NPAS3: variants seen among roughly 807,000 people sequenced by gnomAD.
The protein encoded by NPAS3 is neuronal PAS domain protein 3.
A neutral mutation model predicts 73.1 loss-of-function variants in NPAS3; 14 were observed. The ratio of observed to expected loss-of-function variants is 0.19; its 90% CI spans 0.13 to 0.30. The LOEUF (loss-of-function observed/expected upper bound fraction) is 0.30. NPAS3 is among the 10% of genes least tolerant of loss of function. The pLI is 1.00. For synonymous variants in NPAS3, 620 were observed against 541.5 expected (o/e 1.14, Z -2.01); for missense variants, 1,096 against 1,250.0 (o/e 0.88, Z 1.86).
chr14:33,300,608 C>T (rs1012452341), intron 3 of NPAS3, among the ~76,000 whole-genome samples: 5 of 152,132 alleles, frequency 3.3e-5, no homozygotes, highest in Admixed American at 1.3e-4. Flanking sequence ...GAGGAGTGGG[C>T]AGAGCTGGAG....
Position 33,301,324 on chromosome 14 carries a change from T to TATATATATATATATATATA in NPAS3, c.386-65862_386-65861insATATATATATATATATATA, listed in dbSNP as rs56204986. On this transcript the variant is annotated intron_variant, in intron 3 of 11. Transcript: ENST00000356141. ...TTTATCATTATATATATATATATAT[T>TATATATATATATATATATA]TTTTTTTTTTAAATCTAGCTGTAAT... is the stretch of plus-strand genomic sequence containing the variant. Among the ~76,000 whole-genome samples the TATATATATATATATATATA allele has an allele frequency of 8.7e-3, 654 of 75,416 alleles. 83 individuals are homozygous for TATATATATATATATATATA. The highest frequency in any genetic ancestry group is 0.025 in the African/African-American group (443 of 17,618). The allele number at this position is 75,416 out of a possible 152,430, so 49.5% of individuals were successfully genotyped here. A position where few individuals can be genotyped will look rare whatever the true frequency, so the allele number is the denominator to read the frequency against.
intron 1 of NPAS3, among the ~76,000 whole-genome samples, chr14:33,019,499 A>T (rs1255915748): frequency 6.6e-6 from 1 of 151,878 alleles, no homozygotes; most frequent in African/African-American, 2.4e-5. Context: ...AAAACCGGGG[A>T]TGGTTTCCTT....
chr14:33,721,953 G>A (rs942371153), intron 6 of NPAS3, among the ~76,000 whole-genome samples: 1 of 152,134 alleles, frequency 6.6e-6, no homozygotes, highest in Non-Finnish European at 1.5e-5. Flanking sequence ...TCTCACGTCA[G>A]GTCGAATAAT....
intron 2 of NPAS3, among the ~76,000 whole-genome samples, chr14:33,077,451 T>C (rs2041697649): frequency 6.6e-6 from 1 of 152,232 alleles, no homozygotes; most frequent in African/African-American, 2.4e-5. Context: ...TATTTTATAT[T>C]CTACTTTGTT....
chr14:33,671,153 C>G (rs2059599906), intron 5 of NPAS3, among the ~76,000 whole-genome samples: 1 of 152,146 alleles, frequency 6.6e-6, no homozygotes, highest in Non-Finnish European at 1.5e-5. Flanking sequence ...TACTCCTCAT[C>G]TGCACCAAAC....
chr14:33,305,162 G>C (rs2042707427), intron 3 of NPAS3, among the ~76,000 whole-genome samples: 1 of 151,988 alleles, frequency 6.6e-6, no homozygotes, highest in Non-Finnish European at 1.5e-5. Context: ...ATGAAGTAGA[G>C]AGAGAGAGAG....
At chr14:33,269,422 C>T (rs898493753) in intron 3 of NPAS3, among the ~76,000 whole-genome samples, 1 of 152,134 alleles carries the variant, frequency 6.6e-6, no homozygotes, top group African/African-American at 2.4e-5. Context: ...GAACTCAGGT[C>T]AGAATAGGTC....
At chr14:33,684,227 G>GTT (rs5807739) in intron 6 of NPAS3, among the ~76,000 whole-genome samples, 39,117 of 148,294 alleles carry the variant, frequency 0.26, 5,570 homozygotes, top group South Asian at 0.53. Context: ...TGTGCTGTGG[G>GTT]TTTTTTTTTT....
chr14:33,601,751 T>C (rs1439590175), intron 5 of NPAS3, among the ~76,000 whole-genome samples: 1 of 152,318 alleles, frequency 6.6e-6, no homozygotes, highest in African/African-American at 2.4e-5. Context: ...ATTTAAAAAA[T>C]ATTCATATTT....
chr14:33,121,875 A>G (rs1249301142), intron 2 of NPAS3, among the ~76,000 whole-genome samples: 1 of 152,148 alleles, frequency 6.6e-6, no homozygotes, highest in Non-Finnish European at 1.5e-5. Flanking sequence ...TCACGTGGAA[A>G]TTGTATCTCA....
At chr14:33,269,004 C>T (rs570613364) in intron 3 of NPAS3, among the ~76,000 whole-genome samples, 3 of 152,036 alleles carry the variant, frequency 2.0e-5, no homozygotes, top group Admixed American at 6.6e-5. Flanking sequence ...GAAGTATGGC[C>T]GGTAAAGCTG....
chr14:33,111,195 G>A (rs1209723919), intron 2 of NPAS3, among the ~76,000 whole-genome samples: 5 of 152,160 alleles, frequency 3.3e-5, no homozygotes, highest in Admixed American at 2.6e-4. Flanking sequence ...AAGCCTGAAG[G>A]GAGCAAGGCC....
chr14:32,969,394 T>C (rs2783758), intron 1 of NPAS3, among the ~76,000 whole-genome samples: 17,069 of 152,206 alleles, frequency 0.11, 1,106 homozygotes, highest in Non-Finnish European at 0.14. Context: ...TATTGCAAAC[T>C]GTCCTAGGGA....
At chr14:33,798,175 T>C (rs1331002456) in intron 11 of NPAS3, among the ~76,000 whole-genome samples, 2 of 152,188 alleles carry the variant, frequency 1.3e-5, no homozygotes, top group African/African-American at 4.8e-5. Flanking sequence ...GATCAATGCC[T>C]CTTTCAGGGT....
chr14:33,570,832 G>A (rs1240950157), intron 5 of NPAS3, among the ~76,000 whole-genome samples: 2 of 152,172 alleles, frequency 1.3e-5, no homozygotes, highest in African/African-American at 4.8e-5. Flanking sequence ...AAATCAGATA[G>A]TGCCTTTTAA....
chr14:33,787,753 C>T (rs770964135), intron 9 of NPAS3, among the ~76,000 whole-genome samples: 7 of 152,234 alleles, frequency 4.6e-5, no homozygotes, highest in African/African-American at 1.2e-4. Flanking sequence ...GTCTCTTTTG[C>T]GAGTAAATAA....
At chr14:33,776,949 C>T (rs1339976116) in intron 8 of NPAS3, among the ~76,000 whole-genome samples, 2 of 152,116 alleles carry the variant, frequency 1.3e-5, no homozygotes, top group Non-Finnish European at 2.9e-5. Flanking sequence ...GGATTTAATT[C>T]AAGAAAAGAA....
intron 1 of NPAS3, among the ~76,000 whole-genome samples, chr14:32,982,196 C>A (rs888711048): frequency 5.9e-5 from 9 of 152,116 alleles, no homozygotes; most frequent in African/African-American, 2.2e-4. Flanking sequence ...GATGGAAGGG[C>A]AAGAGAGCTT....
chr14:33,789,410 T>C (rs1252011762), intron 9 of NPAS3, among the ~76,000 whole-genome samples: 2 of 152,158 alleles, frequency 1.3e-5, no homozygotes, highest in African/African-American at 4.8e-5. Flanking sequence ...GAACATGTTC[T>C]TGTGTGCTAG....
Sources: allele counts gnomAD v4.1 joint callset (sites outside exome capture counted in the v4.1 genomes callset), GRCh38; gene constraint gnomAD v4.1.1; transcripts MANE v1.5; gene names NCBI Gene and HGNC (gene_info 2026-07-23, HGNC 2026-07-21).